The following EHBP1L1 variants were observed in gnomAD, a reference collection of about 807,000 sequenced individuals.
EHBP1L1 encodes EH domain-binding protein 1-like protein 1.
A neutral mutation model predicts 151.1 loss-of-function variants in EHBP1L1; 122 were observed. The ratio of observed to expected loss-of-function variants is 0.81; its 90% CI spans 0.70 to 0.94. The LOEUF (loss-of-function observed/expected upper bound fraction) is 0.94, where lower values mean the gene tolerates loss of function less well. Ranked by LOEUF, EHBP1L1 falls within the 40% of genes least tolerant of loss-of-function variation. The probability of loss-of-function intolerance (pLI) is 0.00; values close to 1 mark genes in which losing one functional copy is unlikely to be tolerated. For missense variants in EHBP1L1, 1,941 were observed against 1,959.8 expected, an observed-to-expected ratio of 0.99 and a Z score of 0.18; for synonymous variants, 878 against 810.1, an observed-to-expected ratio of 1.08 and a Z score of -1.42.
At chr11:65,591,562 G>T (rs929362713) in intron 16 of EHBP1L1, 1 of 595,792 alleles carries the variant, frequency 1.7e-6, no homozygotes, top group Admixed American at 2.9e-5. Context: ...TCCTTCGGGG[G>T]TCCTTCTGGG....
At chr11:65,591,493 A>G (rs1046478577) in intron 16 of EHBP1L1, 1 of 494,222 alleles carries the variant, frequency 2.0e-6, no homozygotes, top group Non-Finnish European at 3.6e-6. Context: ...TGCGTTTGGG[A>G]TTTTTCAGAA....
intron 1 of EHBP1L1, 142 bp from the exon 2 acceptor site, chr11:65,578,936 C>T (rs760170096): frequency 6.7e-5 from 55 of 817,360 alleles, no homozygotes; most frequent in Non-Finnish European, 1.1e-4. Flanking sequence ...AAGGGGCTGC[C>T]CAGGCCCTCT....
Position 65,592,286 on chromosome 11 carries a change from G to T in EHBP1L1, c.4556G>T (p.Arg1519Leu). The change falls in exon 19 of 19, where the codon CGC (arginine) becomes CTC (leucine). Residue 1519 changes from arginine (R) to leucine (L), a missense_variant. Physicochemically the swap from Arg to Leu is moderately radical, Grantham distance 102. Coordinates refer to ENST00000309295, the MANE Select transcript of EHBP1L1 (RefSeq NM_001099409.3). ...AGCCGGCAGTTGAGCCGGCGGGAGC[G>T]CTGCGTGCTGAGCTGAGGCCGCCGG... is the stretch of plus-strand genomic sequence containing the variant. Reference protein sequence around the residue: ...KLSRQLSRRERCVLS With the variant: ...KLSRQLSRRELCVLS The T allele has an allele frequency of 6.5e-7, 1 of 1,528,478 alleles. No homozygotes were observed. The highest frequency in any genetic ancestry group is 1.2e-5 in the South Asian group (1 of 83,560). 94.7% of individuals were successfully genotyped at this position (1,528,478 alleles called of 1,614,324 possible).
chr11:65,584,858 G>T, intron 11 of EHBP1L1, 101 bp from the exon 12 acceptor site: 1 of 1,445,538 alleles, frequency 6.9e-7, no homozygotes, highest in Non-Finnish European at 9.2e-7. Flanking sequence ...GCAAAACCCG[G>T]GGTGCCAATC....
chr11:65,592,119 T>A (rs1202390160), intron 18 of EHBP1L1, 29 bp downstream of exon 18: 5 of 1,611,306 alleles, frequency 3.1e-6, no homozygotes, highest in Non-Finnish European at 4.2e-6. Context: ...CGCTGGGAGT[T>A]GGGAGGGTCC....
chr11:65,591,439 T>C (rs1178158151), intron 16 of EHBP1L1: 1 of 394,212 alleles, frequency 2.5e-6, no homozygotes, highest in Non-Finnish European at 4.7e-6. Flanking sequence ...CTGCGGCCAT[T>C]GCCTTTGTCA....
intron 12 of EHBP1L1, among the ~76,000 whole-genome samples, chr11:65,588,089 A>G (rs1052315007): frequency 6.6e-6 from 1 of 152,030 alleles, no homozygotes; most frequent in East Asian, 1.9e-4. Flanking sequence ...GGGGGAGGCC[A>G]TGGGAGCAGC....
At position 65,583,412 on chromosome 11, in the gene EHBP1L1, T is replaced by C. The variant is rs767111475; in HGVS notation, c.2740T>C (p.Ser914Pro). 9.4e-5 allele frequency: 151 copies of C among 1,613,012 alleles called. No individual in the cohort carries two copies. The highest frequency in any genetic ancestry group is 1.6e-4 in the Middle Eastern group (1 of 6,082). ...APVTQPRVLG[S>P]QEAKAEISGV... is the part of the protein sequence containing the mutation. Reference sequence around the variant, plus strand: ...AGTCACTCAGCCAAGAGTTTTAGGATCCCAGGAAGCAAAAGCAGAGATTTC... The same window carrying C: ...AGTCACTCAGCCAAGAGTTTTAGGACCCCAGGAAGCAAAAGCAGAGATTTC... Residue 914 changes from serine (S) to proline (P), a missense_variant, in exon 9 of 19, where the codon TCC becomes CCC. By Grantham distance (74) the Ser-to-Pro change is moderately conservative. Coordinates refer to ENST00000309295, the MANE Select transcript of EHBP1L1 (RefSeq NM_001099409.3).
intron 15 of EHBP1L1, 54 bp from the exon 16 acceptor site, chr11:65,590,439 C>G: frequency 6.3e-7 from 1 of 1,592,076 alleles, no homozygotes; most frequent in Non-Finnish European, 8.6e-7. Flanking sequence ...CCCAGCTGCC[C>G]TACCCTGACA....
At chr11:65,584,835 G>A in intron 11 of EHBP1L1, 124 bp from the exon 12 acceptor site, 3 of 1,287,090 alleles carry the variant, frequency 2.3e-6, no homozygotes, top group South Asian at 1.4e-5. Flanking sequence ...CTAGGAGGGG[G>A]CGGTGTTGCT....
rs1041861456 is a variant in EHBP1L1 at position 65,577,526 on chromosome 11, A to G, written c.104+1120A>G. On this transcript the variant is annotated intron_variant, in intron 1 of 18. Transcript: ENST00000309295. ...CAGGCTGAGGGTGCCGGCAGTGTCA[A>G]CGCAGCTGAGTCACAGGCGGCTGTG... 3.9e-5 allele frequency among the ~76,000 whole-genome samples: 6 copies of G among 152,280 alleles called. No homozygotes were observed. The East Asian group carries it at 5.8e-4, about 15-fold the overall frequency.
chr11:65,584,505 C>T lies in EHBP1L1; in HGVS notation c.3271C>T (p.Pro1091Ser). ...CTGCAGTGACTATGCCTCGCTAGAC[C>T]CACTCAACATCAAGCAGAACAACAA... ...PDKIDYASLD[P>S]LNIKQNNKQA... The change falls in exon 11 of 19, where the codon CCA becomes TCA. Residue 1091 changes from proline to serine, a missense_variant. Physicochemically the swap from Pro to Ser is moderately conservative, Grantham distance 74. Coordinates refer to ENST00000309295, the MANE Select transcript of EHBP1L1 (RefSeq NM_001099409.3). The T allele has an allele frequency of 1.2e-6, 2 of 1,612,656 alleles. No homozygotes were observed. The highest frequency in any genetic ancestry group is 1.7e-6 in the Non-Finnish European group (2 of 1,179,580).
chr11:65,583,422 C>T lies in EHBP1L1; in HGVS notation c.2750C>T (p.Ala917Val), dbSNP rs770107641. Residue 917 changes from alanine to valine, a missense_variant, in exon 9 of 19, where the codon GCA becomes GTA. Ala to Val is a moderately conservative substitution (Grantham distance 64). Transcript: ENST00000309295. ...CCAAGAGTTTTAGGATCCCAGGAAG[C>T]AAAAGCAGAGATTTCAGGAGTACAA... ...TQPRVLGSQE[A>V]KAEISGVQGS... The T allele has an allele frequency of 6.2e-7, 1 of 1,613,424 alleles. No individual in the cohort carries two copies. Among genetic ancestry groups the T allele is most frequent in the Non-Finnish European group, 8.5e-7 (1 of 1,179,742 alleles).
At chr11:65,581,433 C>A in intron 8 of EHBP1L1, 60 bp downstream of exon 8, 3 of 1,449,756 alleles carry the variant, frequency 2.1e-6, no homozygotes, top group Non-Finnish European at 2.8e-6. Context: ...CAGTCCTCAC[C>A]CCCACCAACC....
At chr11:65,580,975 A>C in intron 6 of EHBP1L1, 83 bp from the exon 7 acceptor site, 1 of 1,519,488 alleles carries the variant, frequency 6.6e-7, no homozygotes, top group Non-Finnish European at 8.8e-7. Context: ...TAGGACCTGC[A>C]CTGTAGTTGG....
In EHBP1L1 at chr11:65,592,319, G is replaced by A; in HGVS notation, c.*17G>A. On this transcript the variant is annotated 3_prime_UTR_variant, in exon 19 of 19. Transcript: ENST00000309295. ...CTGAGCTGAGGCCGCCGGCCCGGGTGGCCCATAACTTCTCGCGTCCCCGGC... is the reference window on the plus strand; with the variant it reads ...CTGAGCTGAGGCCGCCGGCCCGGGTAGCCCATAACTTCTCGCGTCCCCGGC... 2 of 1,429,074 alleles carry A rather than the reference G, an allele frequency of 1.4e-6. No individual in the cohort carries two copies. The highest frequency in any genetic ancestry group is 1.8e-6 in the Non-Finnish European group (2 of 1,101,374). 88.5% of individuals were successfully genotyped at this position (1,429,074 alleles called of 1,614,324 possible).
rs1321320813 is a variant in EHBP1L1, at chr11:65,583,029, T to A, written c.2357T>A (p.Val786Asp). ...GAGATAGCATCTAGGGATTCAGGGG[T>A]CCCAGGGTTAGAAGCTGATACAACA... ...TQEIASRDSG[V>D]PGLEADTTGI... Residue 786 changes from valine to aspartate, a missense_variant, in exon 9 of 19, where the codon GTC (valine) becomes GAC (aspartate). Physicochemically the swap from Val to Asp is radical, Grantham distance 152 (BLOSUM62 -3). Transcript: ENST00000309295. 3 of 1,612,596 alleles carry A rather than the reference T, an allele frequency of 1.9e-6. No individual in the cohort carries two copies. The South Asian group carries it at 3.3e-5, about 18-fold the overall frequency.
rs1377769142 is a variant in EHBP1L1, at chr11:65,585,565, G to A, written c.3907G>A (p.Ala1303Thr). 1 of 1,581,748 alleles carries A rather than the reference G, an allele frequency of 6.3e-7. No homozygotes were observed. The highest frequency in any genetic ancestry group is 1.1e-5 in the South Asian group (1 of 88,244). ...CTCGTTCTCGATGGACGATCCGGAC[G>A]CGGGAGCCATGGGAGCTGCGGCTGC... ...SSSFSMDDPD[A>T]GAMGAAAAEG... The change falls in exon 12 of 19, where the codon GCG (alanine) becomes ACG (threonine). Residue 1303 changes from alanine to threonine, a missense_variant. Transcript: ENST00000309295. This position sits in a 1 kb window ranked among gnomAD's most constrained non-coding sequence, Gnocchi z 4.0.
rs1366100168 is a variant in EHBP1L1, at chr11:65,583,247, G to A, written c.2575G>A (p.Ala859Thr). 1 of 1,613,424 alleles carries A rather than the reference G, an allele frequency of 6.2e-7. No homozygotes were observed. Among genetic ancestry groups the A allele is most frequent in the South Asian group, 1.1e-5 (1 of 91,084 alleles). ...GATCTCAGGGCCCGAGGCTGGAATG[G>A]CAGAGGCCCGAGTACTGATGACCCG... ...SGISGPEAGMAEARVLMTRKT... is the reference protein window; with the variant it reads ...SGISGPEAGMTEARVLMTRKT... Residue 859 changes from alanine to threonine, a missense_variant, in exon 9 of 19, where the codon GCA becomes ACA. Transcript: ENST00000309295.
Sources: allele counts gnomAD v4.1 joint callset (sites outside exome capture counted in the v4.1 genomes callset), GRCh38; gene constraint gnomAD v4.1.1; non-coding constraint Gnocchi (gnomAD v3.1); transcripts MANE v1.5; gene names NCBI Gene and HGNC (gene_info 2026-07-23, HGNC 2026-07-21).